SMTN: variants seen among roughly 807,000 people sequenced by gnomAD.
SMTN encodes smoothelin.
In SMTN, 58 loss-of-function variants were observed where a neutral mutation model predicts 102.0. That is an observed-to-expected ratio of 0.57 (90% CI 0.46 to 0.71). The LOEUF (loss-of-function observed/expected upper bound fraction) is 0.71. SMTN is among the 30% of genes least tolerant of loss of function. The probability of loss-of-function intolerance (pLI) is 0.00; values close to 1 mark genes in which losing one functional copy is unlikely to be tolerated. For missense variants in SMTN, 1,185 were observed against 1,241.7 expected, an observed-to-expected ratio of 0.95 and a Z score of 0.69; for synonymous variants, 478 against 497.9, an observed-to-expected ratio of 0.96 and a Z score of 0.53.
Position 31,092,726 on chromosome 22 carries a change from C to A in SMTN, c.1632+879C>A, listed in dbSNP as rs143189674. 1.2e-3 allele frequency among the ~76,000 whole-genome samples: 187 copies of A among 152,306 alleles called. 1 individual carries two copies. In the East Asian group the frequency reaches 0.03, roughly 25 times the overall value. On this transcript the variant is annotated intron_variant, in intron 11 of 20. Coordinates refer to ENST00000333137, the MANE Select transcript of SMTN (RefSeq NM_134269.3). ...GGTGGGGTGGGGGGACCCGCTGAGG[C>A]CCTTGAGGTGGATGGGAGGTGCCAC...
chr22:31,082,931 A>C, intron 1 of SMTN: 1 of 1,532,924 alleles, frequency 6.5e-7, no homozygotes, highest in East Asian at 2.4e-5. Context: ...ATGAGAGTCC[A>C]TCCCAGGCCA....
At chr22:31,087,815 AC>A in intron 2 of SMTN, 149 bp from the exon 3 acceptor site, 1 of 759,850 alleles carries the variant, frequency 1.3e-6, no homozygotes, top group Non-Finnish European at 2.0e-6. Flanking sequence ...TACCCCCGGG[AC>A]CCTGCGTGGG....
At chr22:31,086,436 G>T (rs1240988856) in intron 2 of SMTN, among the ~76,000 whole-genome samples, 1 of 152,142 alleles carries the variant, frequency 6.6e-6, no homozygotes, top group Non-Finnish European at 1.5e-5. Context: ...CAAGTAGGGG[G>T]CTCAGCACAG....
intron 11 of SMTN, chr22:31,092,458 C>T (rs751311342): frequency 8.5e-6 from 4 of 471,200 alleles, no homozygotes; most frequent in South Asian, 6.2e-5. Flanking sequence ...ATTATTCATT[C>T]CCAAGCCCAG....
In SMTN at chr22:31,104,298, C is replaced by A. The variant is rs370420783; in HGVS notation, c.*21-18C>A. The A allele has an allele frequency of 6.2e-7, 1 of 1,613,022 alleles. No homozygotes were observed. The highest frequency in any genetic ancestry group is 8.5e-7 in the Non-Finnish European group (1 of 1,179,180). On this transcript the variant is annotated intron_variant, in intron 20 of 20. Coordinates refer to ENST00000333137, the MANE Select transcript of SMTN (RefSeq NM_134269.3). Reference sequence around the variant, plus strand: ...CGGGTCTGGCGCTGACATCCAACCCCGTGCCCCCTCCCTGCAGGATGCTGG... The same window carrying A: ...CGGGTCTGGCGCTGACATCCAACCCAGTGCCCCCTCCCTGCAGGATGCTGG...
chr22:31,099,232 C>T (rs2043881440), intron 18 of SMTN, 53 bp downstream of exon 18: 2 of 1,161,856 alleles, frequency 1.7e-6, no homozygotes, highest in Non-Finnish European at 2.6e-6. Flanking sequence ...CCCAGCTCAA[C>T]ACCTCCTTCT....
At chr22:31,104,228 T>C in intron 20 of SMTN, 88 bp from the exon 21 acceptor site, 1 of 1,452,424 alleles carries the variant, frequency 6.9e-7, no homozygotes, top group Non-Finnish European at 9.5e-7. Flanking sequence ...CAGCAGGCAA[T>C]GCGGCAATAA....
intron 16 of SMTN, among the ~76,000 whole-genome samples, chr22:31,097,952 G>A (rs1284765743): frequency 3.3e-5 from 5 of 152,138 alleles, no homozygotes; most frequent in African/African-American, 1.2e-4. Flanking sequence ...AACACTTACA[G>A]AGGCCTACCT....
chr22:31,083,172 C>G lies in SMTN; in HGVS notation c.-80-7C>G. On this transcript the variant is annotated splice_region_variant and splice_polypyrimidine_tract_variant and intron_variant, in intron 1 of 20. Transcript: ENST00000333137. ...CAGCATGCCTGATTCATGTCTGTCC[C>G]CTGCAGAATTCTCTGAGCTGGTGAC... The G allele has an allele frequency of 6.4e-6, 10 of 1,563,906 alleles. No homozygotes were observed. The highest frequency in any genetic ancestry group is 8.7e-6 in the Non-Finnish European group (10 of 1,153,164).
At chr22:31,090,405 C>T (rs912937040) in intron 8 of SMTN, among the ~76,000 whole-genome samples, 9 of 150,122 alleles carry the variant, frequency 6.0e-5, no homozygotes, top group African/African-American at 9.8e-5. Context: ...TGAAAGGCAA[C>T]GGGCCTCAGG....
In SMTN at chr22:31,090,892, C is replaced by T. The variant is rs367932579; in HGVS notation, c.937+13C>T. 6.2e-6 allele frequency: 10 copies of T among 1,613,798 alleles called. No individual in the cohort carries two copies. In the African/African-American group the frequency reaches 1.3e-4, roughly 22 times the overall value. On this transcript the variant is annotated intron_variant, in intron 9 of 20. Coordinates refer to ENST00000333137, the MANE Select transcript of SMTN (RefSeq NM_134269.3). Reference sequence around the variant, plus strand: ...GCCCAGAACCGAGGTACTACCTATTCTCACCCTGCCTAGGATCTGTGCAGA... The same window carrying T: ...GCCCAGAACCGAGGTACTACCTATTTTCACCCTGCCTAGGATCTGTGCAGA...
Position 31,090,013 on chromosome 22 carries a change from C to T in SMTN, c.786C>T (p.Val262=). Residue 262 remains valine, a synonymous_variant, in exon 7 of 21, where the codon GTC becomes GTT. Coordinates refer to ENST00000333137, the MANE Select transcript of SMTN (RefSeq NM_134269.3). ...PTLPSTEGQV[V]NKLLSGPKET... ...TCCCCAGCACTGAGGGCCAGGTGGT[C>T]AACAAGGTGAGTCTGGATGAGGGGC... 6.2e-7 allele frequency: 1 copy of T among 1,608,132 alleles called. No individual in the cohort carries two copies. The highest frequency in any genetic ancestry group is 8.5e-7 in the Non-Finnish European group (1 of 1,176,482).
At chr22:31,078,464 G>A (rs1485429002), upstream of SMTN, among the ~76,000 whole-genome samples, 2 of 152,178 alleles carry the variant, frequency 1.3e-5, no homozygotes, top group Non-Finnish European at 2.9e-5. Flanking sequence ...CCTTGCCCTA[G>A]GAAGGCTTGA....
intron 11 of SMTN, chr22:31,093,939 T>C: frequency 6.3e-6 from 7 of 1,115,402 alleles, no homozygotes; most frequent in Middle Eastern, 2.1e-4. Flanking sequence ...CTCTTGACTT[T>C]AGGTATGTCA....
At position 31,090,996 on chromosome 22, in the gene SMTN, C is replaced by T; in HGVS notation, c.973C>T (p.Gln325Ter). 1 of 1,613,802 alleles carries T rather than the reference C, an allele frequency of 6.2e-7. No homozygotes were observed. Among genetic ancestry groups the T allele is most frequent in the Non-Finnish European group, 8.5e-7 (1 of 1,179,816 alleles). ...CCTTGCCAGCGGACCTTCCTCATTC[C>T]AGCGGGCTGGCTCTGTGCGGGATCG... ...TPLASGPSSF[Q>*]RAGSVRDRVH... Residue 325 changes from glutamine (Q) to a stop codon, truncating the protein, a stop_gained, in exon 10 of 21, where the codon CAG (glutamine) becomes TAG (stop). Transcript: ENST00000333137. LOFTEE classifies it high-confidence loss of function.
intron 1 of SMTN, among the ~76,000 whole-genome samples, chr22:31,071,692 CTCTCTTT>C (rs2042006676): frequency 3.0e-5 from 4 of 132,000 alleles, no homozygotes; most frequent in African/African-American, 1.1e-4. Flanking sequence ...CTCTCTCTCT[CTCTCTTT>C]TTTTTTTTTT....
chr22:31,085,267 C>A (rs2042604517), intron 2 of SMTN: 2 of 1,512,654 alleles, frequency 1.3e-6, no homozygotes, highest in Admixed American at 2.0e-5. Flanking sequence ...CCTGGCTACC[C>A]CTTCGGCGCC....
intron 2 of SMTN, chr22:31,085,125 C>T: frequency 6.5e-7 from 1 of 1,535,444 alleles, no homozygotes; most frequent in Admixed American, 2.0e-5. Context: ...CCCTCCACCA[C>T]CCGCCGGGAC....
intron 10 of SMTN, 29 bp downstream of exon 10, chr22:31,091,511 G>A (rs758126882): frequency 4.2e-5 from 63 of 1,517,064 alleles, no homozygotes; most frequent in Non-Finnish European, 5.5e-5. Context: ...CTCCCCAATG[G>A]GGATGAGTGC....
Sources: allele counts gnomAD v4.1 joint callset (sites outside exome capture counted in the v4.1 genomes callset), GRCh38; gene constraint gnomAD v4.1.1; transcripts MANE v1.5; gene names NCBI Gene and HGNC (gene_info 2026-07-23, HGNC 2026-07-21).